GRM8: variants seen among roughly 807,000 people sequenced by gnomAD.
GRM8 encodes the protein glutamate metabotropic receptor 8.
A neutral mutation model predicts 87.2 loss-of-function variants in GRM8; 47 were observed. That is an observed-to-expected ratio of 0.54 (90% CI 0.43 to 0.69). The LOEUF is 0.69. Ranked by LOEUF, GRM8 falls within the 30% of genes least tolerant of loss-of-function variation. The pLI, the probability that GRM8 is intolerant of heterozygous loss-of-function variation, is 0.00. For synonymous variants in GRM8, 396 were observed against 404.5 expected (o/e 0.98, Z 0.25); for missense variants, 1,019 against 1,139.2 (o/e 0.89, Z 1.52).
At chr7:126,655,835 A>T (rs887518402) in intron 7 of GRM8, among the ~76,000 whole-genome samples, 2 of 152,338 alleles carry the variant, frequency 1.3e-5, no homozygotes, top group Admixed American at 6.5e-5. Flanking sequence ...CCCAAGGTAG[A>T]TACATTTCCA....
intron 7 of GRM8, among the ~76,000 whole-genome samples, chr7:126,733,043 T>C (rs1052450070): frequency 6.6e-6 from 1 of 152,100 alleles, no homozygotes; most frequent in Non-Finnish European, 1.5e-5. Context: ...TCATTAGTGT[T>C]AGTGTGTTTT....
chr7:126,658,829 T>C (rs1204249014), intron 7 of GRM8, among the ~76,000 whole-genome samples: 2 of 151,772 alleles, frequency 1.3e-5, no homozygotes, highest in African/African-American at 4.8e-5. Context: ...AAATGACAGA[T>C]GAAAAAACGT....
At chr7:126,688,237 G>T (rs1427611935) in intron 7 of GRM8, among the ~76,000 whole-genome samples, 1 of 152,162 alleles carries the variant, frequency 6.6e-6, no homozygotes, top group African/African-American at 2.4e-5. Context: ...ATGTAGGAGG[G>T]ATGAGAATTC....
intron 7 of GRM8, among the ~76,000 whole-genome samples, chr7:126,717,859 CTT>C (rs1811921582): frequency 6.6e-6 from 1 of 152,086 alleles, no homozygotes; most frequent in South Asian, 2.1e-4. Context: ...CATCTAAACT[CTT>C]TGCTTATTTC....
intron 3 of GRM8, among the ~76,000 whole-genome samples, chr7:127,092,696 G>A (rs752656148): frequency 6.6e-6 from 1 of 152,152 alleles, no homozygotes; most frequent in Non-Finnish European, 1.5e-5. Context: ...GACAGAGTGA[G>A]ACTCTGTCTC....
intron 3 of GRM8, among the ~76,000 whole-genome samples, chr7:127,033,042 TTAA>T (rs1817529838): frequency 1.3e-5 from 2 of 151,414 alleles, no homozygotes; most frequent in African/African-American, 2.4e-5. Context: ...GTATCTTGTT[TTAA>T]TAATATTTTC....
intron 9 of GRM8, among the ~76,000 whole-genome samples, chr7:126,498,374 T>C (rs894823169): frequency 1.3e-5 from 2 of 151,970 alleles, no homozygotes; most frequent in African/African-American, 4.8e-5. Flanking sequence ...GCATAAGCTC[T>C]TTCTCAGGAC....
intron 9 of GRM8, among the ~76,000 whole-genome samples, chr7:126,515,592 A>C (rs959217619): frequency 6.6e-6 from 1 of 152,108 alleles, no homozygotes; most frequent in Non-Finnish European, 1.5e-5. Context: ...ATTAGCAGCA[A>C]GATTGCATTG....
At chr7:126,602,049 G>A (rs1464738470) in intron 8 of GRM8, among the ~76,000 whole-genome samples, 1 of 124,256 alleles carries the variant, frequency 8.0e-6, no homozygotes, top group Non-Finnish European at 1.8e-5. Flanking sequence ...TTTCTTCTAG[G>A]GTTTTTATGG....
intron 6 of GRM8, among the ~76,000 whole-genome samples, chr7:126,902,191 A>C (rs908212083): frequency 3.9e-5 from 6 of 152,228 alleles, no homozygotes; most frequent in African/African-American, 1.4e-4. Flanking sequence ...ATCATGATAC[A>C]TATTACATTT....
chr7:127,047,105 C>T (rs904909567), intron 3 of GRM8, among the ~76,000 whole-genome samples: 1 of 152,202 alleles, frequency 6.6e-6, no homozygotes, highest in African/African-American at 2.4e-5. Context: ...CAAACTACAG[C>T]CTACGCAACC....
At chr7:127,105,015 A>C (rs1472353526) in intron 3 of GRM8, among the ~76,000 whole-genome samples, 1 of 152,146 alleles carries the variant, frequency 6.6e-6, no homozygotes, top group Admixed American at 6.6e-5. Context: ...ACTGTGGAAA[A>C]CTTATTTCAA....
At chr7:127,053,119 G>A (rs11563768) in intron 3 of GRM8, among the ~76,000 whole-genome samples, 12,142 of 152,182 alleles carry the variant, frequency 0.08, 526 homozygotes, top group South Asian at 0.13. Flanking sequence ...AGGGTTCCAT[G>A]CTCCTTTTTA....
At chr7:127,142,988 A>G (rs7808039) in intron 2 of GRM8, among the ~76,000 whole-genome samples, 15,376 of 152,188 alleles carry the variant, frequency 0.1, 2,626 homozygotes, top group African/African-American at 0.35. Flanking sequence ...CCACCACTCC[A>G]AGGAGAGAAC....
chr7:126,614,476 C>G (rs1206583511), intron 7 of GRM8, among the ~76,000 whole-genome samples: 1 of 152,156 alleles, frequency 6.6e-6, no homozygotes, highest in African/African-American at 2.4e-5. Flanking sequence ...GCACCTCTCC[C>G]CCTCCAAAGG....
chr7:126,534,105 T>C (rs1161978899), intron 8 of GRM8, among the ~76,000 whole-genome samples: 1 of 152,152 alleles, frequency 6.6e-6, no homozygotes. Flanking sequence ...TGAGTGTCAT[T>C]AGTTTCCATT....
chr7:126,952,199 C>T (rs1808235103), intron 3 of GRM8, among the ~76,000 whole-genome samples: 3 of 151,910 alleles, frequency 2.0e-5, no homozygotes, highest in African/African-American at 4.8e-5. Flanking sequence ...AAGCTCCTAA[C>T]AGCCAAAGCT....
intron 3 of GRM8, among the ~76,000 whole-genome samples, chr7:127,026,862 G>A (rs6467104): frequency 0.27 from 41,394 of 151,906 alleles, 6,262 homozygotes; most frequent in African/African-American, 0.41. Flanking sequence ...GTCAATTTTG[G>A]CTTTTGTCAT....
At chr7:127,158,134 T>G (rs1457110767) in intron 2 of GRM8, among the ~76,000 whole-genome samples, 1 of 152,170 alleles carries the variant, frequency 6.6e-6, no homozygotes, top group Non-Finnish European at 1.5e-5. Flanking sequence ...AAAGATTTTA[T>G]ACAAGTAAAC....
Sources: allele counts gnomAD v4.1 joint callset (sites outside exome capture counted in the v4.1 genomes callset), GRCh38; gene constraint gnomAD v4.1.1; transcripts MANE v1.5; gene names NCBI Gene and HGNC (gene_info 2026-07-23, HGNC 2026-07-21).